The following ANAPC5 variants were observed in gnomAD, a reference collection of about 807,000 sequenced individuals.
The protein encoded by ANAPC5 is anaphase promoting complex subunit 5, also known as anaphase-promoting complex subunit 5.
Under a neutral mutation model 91.3 loss-of-function variants are expected in ANAPC5, and 60 were observed. The ratio of observed to expected loss-of-function variants is 0.66; its 90% CI spans 0.53 to 0.81. ANAPC5 has a LOEUF of 0.81. Ranked by LOEUF, ANAPC5 falls within the 40% of genes least tolerant of loss-of-function variation. The pLI is 0.00. For synonymous variants in ANAPC5, 340 were observed against 364.1 expected (o/e 0.93, Z 0.75); for missense variants, 690 against 931.5 (o/e 0.74, Z 3.37).
intron 11 of ANAPC5, among the ~76,000 whole-genome samples, chr12:121,322,235 T>G (rs888772020): frequency 6.6e-6 from 1 of 151,620 alleles, no homozygotes; most frequent in Non-Finnish European, 1.5e-5. Context: ...CTAGGCTCAC[T>G]GCAACCTCCA....
intron 1 of ANAPC5, among the ~76,000 whole-genome samples, chr12:121,350,407 C>A (rs1462735342): frequency 1.3e-5 from 2 of 152,208 alleles, no homozygotes; most frequent in Non-Finnish European, 2.9e-5. Context: ...TCGGGCCGGG[C>A]GCGGTGGCTC....
At chr12:121,332,204 C>T (rs1555272991) in intron 7 of ANAPC5, 1 of 152,272 alleles carries the variant, frequency 6.6e-6, no homozygotes, top group African/African-American at 2.4e-5. Flanking sequence ...CTCAAGCGAT[C>T]CTCCTTCTTT....
rs781784460 is a variant in ANAPC5 at position 121,327,081 on chromosome 12, C to G, written c.1440+15G>C. 20 of 1,581,650 alleles carry G rather than the reference C, an allele frequency of 1.3e-5. No individual in the cohort carries two copies. The highest frequency in any genetic ancestry group is 1.5e-5 in the Non-Finnish European group (18 of 1,167,086). On this transcript the variant is annotated intron_variant, in intron 11 of 16. Coordinates refer to ENST00000261819, the MANE Select transcript of ANAPC5 (RefSeq NM_016237.5). ...CCATTGCTCCAGAAGCACGTGGGCCCGGCCACCTGCCTACCTGCTCCGCGT... is the reference window on the plus strand; with the variant it reads ...CCATTGCTCCAGAAGCACGTGGGCCGGGCCACCTGCCTACCTGCTCCGCGT...
intron 15 of ANAPC5, among the ~76,000 whole-genome samples, chr12:121,317,470 T>C (rs1902416985): frequency 6.6e-6 from 1 of 151,856 alleles, no homozygotes; most frequent in South Asian, 2.1e-4. Context: ...GCCAGGCTGG[T>C]CTTGAACTCC....
At chr12:121,335,448 G>C (rs1555273334) in intron 7 of ANAPC5, 85 bp downstream of exon 7, 1 of 1,456,044 alleles carries the variant, frequency 6.9e-7, no homozygotes, top group East Asian at 2.3e-5. Context: ...CTATAGGCGT[G>C]AGCCACCGCA....
At position 121,318,600 on chromosome 12, in the gene ANAPC5, ACC is replaced by A; in HGVS notation, c.1644_1645del (p.Val549CysfsTer13). The A allele has an allele frequency of 6.2e-7, 1 of 1,613,696 alleles. No homozygotes were observed. Among genetic ancestry groups the A allele is most frequent in the Non-Finnish European group, 8.5e-7 (1 of 1,179,684 alleles). On this transcript the variant is annotated frameshift_variant, in exon 14 of 17. Coordinates refer to ENST00000261819, the MANE Select transcript of ANAPC5 (RefSeq NM_016237.5). LOFTEE classifies it high-confidence loss of function. ...CATTTGGTTCTGAGCTTGTAATACA[ACC>A]GCTTTCCTGAAACAGAATCAAAATG...
At chr12:121,321,224 A>C (rs1266494071) in intron 11 of ANAPC5, 2 of 151,854 alleles carry the variant, frequency 1.3e-5, no homozygotes, top group African/African-American at 2.4e-5. Context: ...ACTCCAGCCT[A>C]GGCAACAAGA....
intron 16 of ANAPC5, 137 bp downstream of exon 16, chr12:121,309,564 T>C (rs1479493149): frequency 9.5e-7 from 1 of 1,056,044 alleles, no homozygotes; most frequent in African/African-American, 1.6e-5. Flanking sequence ...AAATGCTGCA[T>C]GAAATTTTAA....
rs1834309447 is a variant in ANAPC5 at position 121,346,882 on chromosome 12, G to GA, written c.397+13dup. 6.6e-7 allele frequency: 1 copy of GA among 1,524,406 alleles called. No individual in the cohort carries two copies. Among genetic ancestry groups the GA allele is most frequent in the African/African-American group, 1.4e-5 (1 of 71,522 alleles). 94.4% of individuals were successfully genotyped at this position (1,524,406 alleles called of 1,614,324 possible). A position where few individuals can be genotyped will look rare whatever the true frequency, so the allele number is the denominator to read the frequency against. ...ATGAAAATACTCTCTGCTCTTCTTA[G>GA]AAGAGTTTCATACCTACTACACTTG... On this transcript the variant is annotated intron_variant, in intron 3 of 16. Transcript: ENST00000261819.
intron 4 of ANAPC5, among the ~76,000 whole-genome samples, chr12:121,344,407 C>T (rs1555274434): frequency 6.6e-6 from 1 of 151,980 alleles, no homozygotes; most frequent in African/African-American, 2.4e-5. Context: ...AGTGAAACCC[C>T]ATCTCTACTA....
At chr12:121,311,367 C>T (rs1593570995) in intron 15 of ANAPC5, among the ~76,000 whole-genome samples, 2 of 151,968 alleles carry the variant, frequency 1.3e-5, no homozygotes, top group Non-Finnish European at 2.9e-5. Flanking sequence ...GAGTATCATA[C>T]AATATAGAGT....
At chr12:121,348,791 T>C (rs1903770468) in intron 1 of ANAPC5, among the ~76,000 whole-genome samples, 1 of 152,210 alleles carries the variant, frequency 6.6e-6, no homozygotes. Context: ...TGACTGCATA[T>C]ATGCCAACTT....
intron 1 of ANAPC5, among the ~76,000 whole-genome samples, chr12:121,350,247 G>GC (rs1429556658): frequency 1.3e-5 from 2 of 152,078 alleles, no homozygotes; most frequent in African/African-American, 4.8e-5. Context: ...GAATATAAAT[G>GC]CAACTCTAGA....
intron 15 of ANAPC5, among the ~76,000 whole-genome samples, chr12:121,313,153 C>T (rs150107628): frequency 6.6e-6 from 1 of 152,080 alleles, no homozygotes; most frequent in African/African-American, 2.4e-5. Context: ...TGGCGAAACC[C>T]CGTCTCTATT....
chr12:121,337,960 G>A (rs1323294642), intron 5 of ANAPC5, among the ~76,000 whole-genome samples: 2 of 152,114 alleles, frequency 1.3e-5, no homozygotes, highest in African/African-American at 2.4e-5. Flanking sequence ...TCATATGGAC[G>A]ATATCAGCAA....
At chr12:121,308,920 G>C (rs957008370) in intron 16 of ANAPC5, among the ~76,000 whole-genome samples, 1 of 151,988 alleles carries the variant, frequency 6.6e-6, no homozygotes, top group Non-Finnish European at 1.5e-5. Context: ...AGGCCGAGGC[G>C]GGTGGATCAC....
intron 15 of ANAPC5, among the ~76,000 whole-genome samples, chr12:121,310,703 G>A (rs1902130132): frequency 6.6e-6 from 1 of 152,120 alleles, no homozygotes; most frequent in Non-Finnish European, 1.5e-5. Context: ...GGAGGTGCAG[G>A]CGGGCAGATC....
chr12:121,320,582 G>T, intron 11 of ANAPC5, 123 bp from the exon 12 acceptor site: 1 of 669,778 alleles, frequency 1.5e-6, no homozygotes, highest in Non-Finnish European at 2.5e-6. Context: ...GAGAGATACT[G>T]GTCAGAGACT....
chr12:121,314,128 G>A (rs1334354538), intron 15 of ANAPC5, among the ~76,000 whole-genome samples: 1 of 152,174 alleles, frequency 6.6e-6, no homozygotes, highest in East Asian at 1.9e-4. Flanking sequence ...GGGGCTGGGC[G>A]CAGTGGCTCA....
Sources: gnomAD v4.1 joint callset for allele counts (sites outside exome capture counted in the v4.1 genomes callset) on GRCh38, gnomAD v4.1.1 for gene constraint, MANE v1.5 for transcripts, NCBI Gene and HGNC (gene_info 2026-07-23, HGNC 2026-07-21) for gene names.